The following IGSF11 variants were observed in gnomAD, a reference collection of about 807,000 sequenced individuals.
IGSF11 encodes the protein immunoglobulin superfamily member 11.
Under a neutral mutation model 41.0 loss-of-function variants are expected in IGSF11, and 22 were observed. The observed-to-expected ratio is 0.54, with a 90% CI of 0.38 to 0.77. The LOEUF (loss-of-function observed/expected upper bound fraction) is 0.77, where lower values mean the gene tolerates loss of function less well. IGSF11 is among the 30% of genes least tolerant of loss of function. The pLI is 0.00. For synonymous variants in IGSF11, 219 were observed against 201.3 expected (o/e 1.09, Z -0.74); for missense variants, 444 against 530.8 (o/e 0.84, Z 1.61).
At chr3:118,984,825 G>A (rs1935096450) in intron 1 of IGSF11, among the ~76,000 whole-genome samples, 2 of 152,192 alleles carry the variant, frequency 1.3e-5, no homozygotes, top group Admixed American at 6.5e-5. Context: ...AGGTGAAGGT[G>A]TAGAAGATTA....
intron 1 of IGSF11, among the ~76,000 whole-genome samples, chr3:119,142,274 C>CAAAAAAAA (rs11328968): frequency 1.2e-5 from 1 of 81,764 alleles, no homozygotes; most frequent in Non-Finnish European, 2.4e-5. Flanking sequence ...GACTCCATCT[C>CAAAAAAAA]AAAAAAAAAA....
intron 1 of IGSF11, among the ~76,000 whole-genome samples, chr3:118,979,459 C>A (rs1232113611): frequency 6.6e-6 from 1 of 152,054 alleles, no homozygotes; most frequent in Non-Finnish European, 1.5e-5. Context: ...ATACATGGTG[C>A]TGGAAAACTA....
chr3:118,920,742 G>C (rs973071376), intron 4 of IGSF11, among the ~76,000 whole-genome samples: 1 of 152,176 alleles, frequency 6.6e-6, no homozygotes, highest in Non-Finnish European at 1.5e-5. Flanking sequence ...CAGTCTTACA[G>C]TGTGATTTTT....
chr3:119,139,824 A>G (rs1013484153), intron 1 of IGSF11, among the ~76,000 whole-genome samples: 1 of 152,204 alleles, frequency 6.6e-6, no homozygotes, highest in Non-Finnish European at 1.5e-5. Flanking sequence ...GAATGGGTTT[A>G]TAATCTGTAA....
chr3:119,011,313 G>A (rs1236201556), intron 1 of IGSF11, among the ~76,000 whole-genome samples: 1 of 152,090 alleles, frequency 6.6e-6, no homozygotes, highest in African/African-American at 2.4e-5. Flanking sequence ...TCAGAAACCA[G>A]AGCCCCCGGA....
chr3:119,093,631 G>C (rs1366434633), intron 1 of IGSF11, among the ~76,000 whole-genome samples: 3 of 152,122 alleles, frequency 2.0e-5, no homozygotes, highest in Non-Finnish European at 4.4e-5. Context: ...AAGTTCACTA[G>C]ATATTTTCAT....
rs1049661892 is a variant in IGSF11, at chr3:118,928,708, C to T, written c.225G>A (p.Leu75=). The T allele has an allele frequency of 1.2e-6, 2 of 1,613,038 alleles. No individual in the cohort carries two copies. Among genetic ancestry groups the T allele is most frequent in the Non-Finnish European group, 1.7e-6 (2 of 1,179,440 alleles). ...CATCAAACATCTGTCCACCCTGATA[C>T]AGGATGACCTGGAAAAGAAAGCAAA... is the stretch of plus-strand genomic sequence containing the variant. The part of the protein sequence containing the change: ...SNANQPEQVI[L]YQGGQMFDGA... Residue 75 remains leucine (L), a synonymous_variant, in exon 3 of 7, where the codon CTG becomes CTA. Transcript: ENST00000393775.
chr3:119,133,249 A>C (rs1460859349), intron 1 of IGSF11, among the ~76,000 whole-genome samples: 1 of 152,208 alleles, frequency 6.6e-6, no homozygotes, highest in Non-Finnish European at 1.5e-5. Flanking sequence ...AGACACAAAA[A>C]AACCCTTCAA....
intron 4 of IGSF11, among the ~76,000 whole-genome samples, chr3:118,912,837 A>C (rs555552201): frequency 5.6e-4 from 86 of 152,262 alleles, no homozygotes; most frequent in African/African-American, 2.0e-3. Flanking sequence ...GAAGAGACAA[A>C]GGCAACATAG....
At chr3:119,090,424 C>T (rs917835757) in intron 1 of IGSF11, among the ~76,000 whole-genome samples, 2 of 152,082 alleles carry the variant, frequency 1.3e-5, no homozygotes, top group African/African-American at 2.4e-5. Flanking sequence ...CCCATATAGC[C>T]AAAGCAGTCC....
intron 1 of IGSF11, among the ~76,000 whole-genome samples, chr3:119,098,693 A>G (rs2076894216): frequency 6.6e-6 from 1 of 152,252 alleles, no homozygotes; most frequent in Non-Finnish European, 1.5e-5. Context: ...TCAATAAAAT[A>G]TGTTTTTTAA....
chr3:119,083,955 TCCCTGTGTGTTATTG>T (rs1393995187), intron 1 of IGSF11, among the ~76,000 whole-genome samples: 1 of 152,114 alleles, frequency 6.6e-6, no homozygotes, highest in Non-Finnish European at 1.5e-5. Flanking sequence ...AGATGACAGC[TCCCTGTGTGTTATTG>T]CCCAAGGACC....
At chr3:118,996,051 T>C (rs1308758248) in intron 1 of IGSF11, among the ~76,000 whole-genome samples, 1 of 152,188 alleles carries the variant, frequency 6.6e-6, no homozygotes, top group East Asian at 1.9e-4. Flanking sequence ...CCCAAAGTGC[T>C]GGGATTACAG....
chr3:118,990,301 A>G (rs1935667462), intron 1 of IGSF11, among the ~76,000 whole-genome samples: 1 of 152,240 alleles, frequency 6.6e-6, no homozygotes, highest in African/African-American at 2.4e-5. Flanking sequence ...CTAGATGTGA[A>G]GTGAAGAGAA....
rs1938963206 is a variant in IGSF11 at position 118,902,334 on chromosome 3, A to G, written c.*186T>C. On this transcript the variant is annotated 3_prime_UTR_variant, in exon 7 of 7. Transcript: ENST00000393775. ...ATCTTTGGTGGGGAAGCAAGTCTTCATGATGGAGCATTTCAGTCCATTTTA... is the reference window on the plus strand; with the variant it reads ...ATCTTTGGTGGGGAAGCAAGTCTTCGTGATGGAGCATTTCAGTCCATTTTA... The G allele has an allele frequency of 9.0e-6, 5 of 555,588 alleles. No homozygotes were observed. In the East Asian group the frequency reaches 1.4e-4, roughly 16 times the overall value. The allele number at this position is 555,588 out of a possible 1,614,324, so 34.4% of individuals were successfully genotyped here.
intron 1 of IGSF11, among the ~76,000 whole-genome samples, chr3:119,072,343 T>C (rs1228462551): frequency 6.6e-6 from 1 of 152,216 alleles, no homozygotes; most frequent in East Asian, 1.9e-4. Context: ...AACTACAATA[T>C]CCATATTTTT....
chr3:119,141,360 C>T (rs1190345498), intron 1 of IGSF11, among the ~76,000 whole-genome samples: 1 of 150,344 alleles, frequency 6.7e-6, no homozygotes, highest in Non-Finnish European at 1.5e-5. Context: ...CCTTAAAAAA[C>T]TATAAAAAAG....
intron 1 of IGSF11, among the ~76,000 whole-genome samples, chr3:118,939,242 A>G (rs532593167): frequency 3.1e-4 from 47 of 152,322 alleles, no homozygotes; most frequent in South Asian, 8.3e-4. Context: ...ACTAAACTCA[A>G]TAGGAAGAAA....
intron 1 of IGSF11, among the ~76,000 whole-genome samples, chr3:118,942,397 T>A (rs1943767223): frequency 6.6e-6 from 1 of 152,210 alleles, no homozygotes; most frequent in African/African-American, 2.4e-5. Flanking sequence ...AAAGCCATAC[T>A]CTTATGCTGC....
Sources: allele counts gnomAD v4.1 joint callset (sites outside exome capture counted in the v4.1 genomes callset), GRCh38; gene constraint gnomAD v4.1.1; transcripts MANE v1.5; gene names NCBI Gene and HGNC (gene_info 2026-07-23, HGNC 2026-07-21).